The following RGS7BP variants were observed in gnomAD, a reference collection of about 807,000 sequenced individuals.
RGS7BP encodes the protein regulator of G protein signaling 7-binding protein.
A neutral mutation model predicts 31.3 loss-of-function variants in RGS7BP; 9 were observed. That is an observed-to-expected ratio of 0.29 (90% CI 0.17 to 0.50). RGS7BP has a LOEUF of 0.50. Among genes scored for constraint, RGS7BP ranks in the 20% least tolerant of loss-of-function variants. The probability of loss-of-function intolerance (pLI) is 0.98; values close to 1 mark genes in which losing one functional copy is unlikely to be tolerated. For synonymous variants in RGS7BP, 115 were observed against 120.1 expected (o/e 0.96, Z 0.28); for missense variants, 274 against 322.0 (o/e 0.85, Z 1.14).
chr5:64,594,777 C>A lies in RGS7BP; in HGVS notation c.531C>A (p.Ala177=). ...CKIEESAETP[A]LEDSSSSPVD... ...TTGAGGAGAGTGCTGAAACACCTGCCCTAGAAGACTCCTCATCATCCCCCG... is the reference window on the plus strand; with the variant it reads ...TTGAGGAGAGTGCTGAAACACCTGCACTAGAAGACTCCTCATCATCCCCCG... Residue 177 remains alanine, a synonymous_variant, in exon 4 of 6, where the codon GCC becomes GCA. Coordinates refer to ENST00000334025, the MANE Select transcript of RGS7BP (RefSeq NM_001029875.3). 6 of 1,613,630 alleles carry A rather than the reference C, an allele frequency of 3.7e-6. No homozygotes were observed. The highest frequency in any genetic ancestry group is 4.2e-6 in the Non-Finnish European group (5 of 1,179,712).
intron 3 of RGS7BP, among the ~76,000 whole-genome samples, chr5:64,584,655 T>C (rs970898903): frequency 1.1e-4 from 16 of 152,208 alleles, no homozygotes; most frequent in African/African-American, 3.9e-4. Flanking sequence ...TGAAGGCTGC[T>C]ACTCTGGGGG....
At chr5:64,586,070 C>T (rs1003962943) in intron 3 of RGS7BP, among the ~76,000 whole-genome samples, 1 of 152,096 alleles carries the variant, frequency 6.6e-6, no homozygotes, top group African/African-American at 2.4e-5. Flanking sequence ...ATGAAGTCAC[C>T]ATTTGGAAGC....
chr5:64,536,918 G>T (rs949016757), intron 2 of RGS7BP, among the ~76,000 whole-genome samples: 14 of 152,326 alleles, frequency 9.2e-5, no homozygotes, highest in African/African-American at 3.4e-4. Context: ...TGTGGCCAAG[G>T]TAACTATAAA....
rs568728454 is a variant in RGS7BP at position 64,528,726 on chromosome 5, G to A, written c.332+20849G>A. Reference sequence around the variant, plus strand: ...CTCAGGAGGCTGCGGCAGGAGAATCGCTTGAACCCGGGAGGCAGAAGTTGC... The same window carrying A: ...CTCAGGAGGCTGCGGCAGGAGAATCACTTGAACCCGGGAGGCAGAAGTTGC... On this transcript the variant is annotated intron_variant, in intron 2 of 5. Coordinates refer to ENST00000334025, the MANE Select transcript of RGS7BP (RefSeq NM_001029875.3). Among the ~76,000 whole-genome samples, 9 of 146,026 alleles carry A rather than the reference G, an allele frequency of 6.2e-5. No homozygotes were observed. The Middle Eastern group carries it at 0.011, about 182-fold the overall frequency.
chr5:64,602,218 C>G (rs1743236630), intron 5 of RGS7BP, among the ~76,000 whole-genome samples: 1 of 152,228 alleles, frequency 6.6e-6, no homozygotes, highest in Non-Finnish European at 1.5e-5. Context: ...ATGCCACCAT[C>G]TAGCCTAGAG....
intron 2 of RGS7BP, among the ~76,000 whole-genome samples, chr5:64,541,506 C>G (rs897107017): frequency 1.3e-5 from 2 of 152,210 alleles, no homozygotes; most frequent in African/African-American, 4.8e-5. Context: ...TCCATGTCTG[C>G]CACATTCACT....
At chr5:64,602,268 C>T (rs1291886816) in intron 5 of RGS7BP, among the ~76,000 whole-genome samples, 1 of 152,202 alleles carries the variant, frequency 6.6e-6, no homozygotes, top group East Asian at 1.9e-4. Context: ...CTCGTAAAGA[C>T]TTTCTATGTT....
intron 2 of RGS7BP, among the ~76,000 whole-genome samples, chr5:64,555,365 C>T (rs1247171075): frequency 6.6e-6 from 1 of 152,134 alleles, no homozygotes; most frequent in East Asian, 1.9e-4. Context: ...GTCTGTTTTA[C>T]TCAATGTGTA....
intron 2 of RGS7BP, among the ~76,000 whole-genome samples, chr5:64,568,915 C>T (rs1359965395): frequency 7.2e-6 from 1 of 138,206 alleles, no homozygotes; most frequent in Non-Finnish European, 1.6e-5. Context: ...TGGGAAATGG[C>T]AAAGGTGCTG....
intron 3 of RGS7BP, among the ~76,000 whole-genome samples, chr5:64,590,235 G>GGAGA (rs149850024): frequency 6.0e-5 from 9 of 149,496 alleles, no homozygotes; most frequent in African/African-American, 2.2e-4. Flanking sequence ...GCACCAAGAG[G>GGAGA]GAGAGAGAGA....
intron 3 of RGS7BP, among the ~76,000 whole-genome samples, chr5:64,581,844 A>C (rs1005733948): frequency 6.6e-6 from 1 of 152,196 alleles, no homozygotes; most frequent in African/African-American, 2.4e-5. Context: ...AGATGATCCT[A>C]TTGCCAAAGA....
intron 3 of RGS7BP, among the ~76,000 whole-genome samples, chr5:64,590,625 A>G (rs1237174899): frequency 6.6e-6 from 1 of 152,178 alleles, no homozygotes; most frequent in Non-Finnish European, 1.5e-5. Context: ...ATAAAAGTCA[A>G]AGTCTTACAT....
chr5:64,578,063 G>A lies in RGS7BP; in HGVS notation c.463+2159G>A, dbSNP rs187864217. ...AGGCAACAACAACTCTTCTCTGCTA[G>A]CTATCTGTTTATAAATAAAGGGGAT... On this transcript the variant is annotated intron_variant, in intron 3 of 5. Coordinates refer to ENST00000334025, the MANE Select transcript of RGS7BP (RefSeq NM_001029875.3). Among the ~76,000 whole-genome samples the A allele has an allele frequency of 9.2e-5, 14 of 152,304 alleles. No individual in the cohort carries two copies. The East Asian group carries it at 2.5e-3, about 27-fold the overall frequency.
At chr5:64,526,754 C>T (rs1219865042) in intron 2 of RGS7BP, among the ~76,000 whole-genome samples, 1 of 152,028 alleles carries the variant, frequency 6.6e-6, no homozygotes, top group Non-Finnish European at 1.5e-5. Context: ...AAATTCAACC[C>T]TGGGGTTCCT....
chr5:64,596,036 A>T (rs1743056272), intron 4 of RGS7BP, among the ~76,000 whole-genome samples: 1 of 152,240 alleles, frequency 6.6e-6, no homozygotes, highest in Non-Finnish European at 1.5e-5. Flanking sequence ...AAAGTAGAAA[A>T]TTCTTAGCTC....
chr5:64,533,751 G>T (rs534915460), intron 2 of RGS7BP, among the ~76,000 whole-genome samples: 8 of 152,178 alleles, frequency 5.3e-5, no homozygotes, highest in Non-Finnish European at 1.2e-4. Context: ...GTAAAACTCC[G>T]TTAGAAGTTT....
Position 64,506,805 on chromosome 5 carries a change from G to A in RGS7BP, c.165+16G>A. 2.1e-6 allele frequency: 3 copies of A among 1,458,406 alleles called. No homozygotes were observed. Among genetic ancestry groups the A allele is most frequent in the Middle Eastern group, 2.1e-4 (1 of 4,750 alleles). The allele number at this position is 1,458,406 out of a possible 1,614,324, so 90.3% of individuals were successfully genotyped here. ...CTGCAAGATGGTGGGTGAAAACTGC[G>A]CCTCTTTTTTTTTTTTTTTAATTGA... is the stretch of plus-strand genomic sequence containing the variant. On this transcript the variant is annotated intron_variant, in intron 1 of 5. Coordinates refer to ENST00000334025, the MANE Select transcript of RGS7BP (RefSeq NM_001029875.3). The surrounding 1 kb of genome is among the most constrained non-coding windows in gnomAD (Gnocchi z 4.6).
chr5:64,563,972 T>G (rs1033134588), intron 2 of RGS7BP, among the ~76,000 whole-genome samples: 3 of 152,144 alleles, frequency 2.0e-5, no homozygotes, highest in African/African-American at 7.2e-5. Flanking sequence ...CACAGAGAAG[T>G]CCATCAATGC....
At chr5:64,522,783 T>C (rs1462922149) in intron 2 of RGS7BP, among the ~76,000 whole-genome samples, 2 of 152,226 alleles carry the variant, frequency 1.3e-5, no homozygotes, top group Non-Finnish European at 2.9e-5. Flanking sequence ...TATTAGGTTA[T>C]TGCACAGCGC....
Sources: gnomAD v4.1 joint callset for allele counts (sites outside exome capture counted in the v4.1 genomes callset) on GRCh38, gnomAD v4.1.1 for gene constraint, Gnocchi (gnomAD v3.1) non-coding constraint, MANE v1.5 for transcripts, NCBI Gene and HGNC (gene_info 2026-07-23, HGNC 2026-07-21) for gene names.